Variants in PHACTR1 observed in about 807,000 individuals in gnomAD.
PHACTR1 encodes phosphatase and actin regulator 1, also known as RPEL repeat containing 1.
PHACTR1 carries 16 observed loss-of-function variants against 69.2 expected under a neutral mutation model. The ratio of observed to expected loss-of-function variants is 0.23; its 90% CI spans 0.16 to 0.35. PHACTR1 has a LOEUF of 0.35. Ranked by LOEUF, PHACTR1 falls within the 10% of genes least tolerant of loss-of-function variation. PHACTR1 has a pLI of 1.00. For synonymous variants in PHACTR1, 312 were observed against 284.5 expected (o/e 1.10, Z -0.97); for missense variants, 510 against 734.7 (o/e 0.69, Z 3.54).
intron 6 of PHACTR1, 39 bp downstream of exon 6, chr6:13,160,323 C>A (rs1758805317): frequency 1.9e-6 from 3 of 1,552,170 alleles, no homozygotes; most frequent in South Asian, 2.2e-5. Context: ...GTCAAAGAGT[C>A]ATGCGTGGAA....
At chr6:12,875,223 C>T (rs927966600) in intron 4 of PHACTR1, among the ~76,000 whole-genome samples, 4 of 152,104 alleles carry the variant, frequency 2.6e-5, no homozygotes, top group Admixed American at 6.5e-5. Context: ...TATTCAATGG[C>T]GTGCATGTTA....
chr6:12,992,486 A>G (rs923902074), intron 4 of PHACTR1, among the ~76,000 whole-genome samples: 12 of 152,168 alleles, frequency 7.9e-5, no homozygotes, highest in Admixed American at 1.3e-4. Context: ...TCTCCCAGTT[A>G]TTGCTATCTA....
intron 4 of PHACTR1, among the ~76,000 whole-genome samples, chr6:12,912,305 C>T (rs1238262069): frequency 6.6e-6 from 1 of 152,078 alleles, no homozygotes; most frequent in African/African-American, 2.4e-5. Flanking sequence ...TGGCCCAAAA[C>T]AGCATTTAAT....
intron 4 of PHACTR1, among the ~76,000 whole-genome samples, chr6:13,048,811 C>T (rs572754234): frequency 1.3e-5 from 2 of 152,306 alleles, no homozygotes; most frequent in East Asian, 1.9e-4. Flanking sequence ...GGATTATAGG[C>T]GTGAGCCACC....
intron 4 of PHACTR1, among the ~76,000 whole-genome samples, chr6:12,852,705 C>G (rs973392251): frequency 1.3e-5 from 2 of 152,140 alleles, no homozygotes; most frequent in Non-Finnish European, 2.9e-5. Flanking sequence ...CTCAATGGAT[C>G]ACAAAAGCAT....
At chr6:12,724,546 AT>A (rs1762540995) in intron 3 of PHACTR1, among the ~76,000 whole-genome samples, 1 of 152,168 alleles carries the variant, frequency 6.6e-6, no homozygotes, top group African/African-American at 2.4e-5. Context: ...ATTCAAACAT[AT>A]CCATCTCCAA....
intron 3 of PHACTR1, among the ~76,000 whole-genome samples, chr6:12,739,704 A>G (rs961448714): frequency 2.0e-5 from 3 of 152,056 alleles, no homozygotes; most frequent in Non-Finnish European, 4.4e-5. Context: ...TGCCCAGCTA[A>G]TGTTTAAATT....
Position 12,749,678 on chromosome 6 carries a change from A to C in PHACTR1, c.138A>C (p.Leu46Phe), listed in dbSNP as rs775882579. The C allele has an allele frequency of 6.2e-7, 1 of 1,609,210 alleles. No individual in the cohort carries two copies. Among genetic ancestry groups the C allele is most frequent in the Admixed American group, 1.7e-5 (1 of 59,770 alleles). The change falls in exon 4 of 15, where the codon TTA (leucine) becomes TTC (phenylalanine). Residue 46 changes from leucine (L) to phenylalanine (F), a missense_variant. Leu to Phe is a conservative substitution (Grantham distance 22). This residue lies in a region of PHACTR1 where 419 missense variants were observed against 530.9 expected (regional missense o/e 0.79). Transcript: ENST00000332995. ...RRATLLLPPT[L>F]MAASSEDDID... ...CGACCCTGCTCCTGCCTCCCACATT[A>C]ATGGCGGCATCCTCGGAGGATGATA...
chr6:12,757,465 AT>A (rs920631974), intron 4 of PHACTR1, among the ~76,000 whole-genome samples: 7 of 152,124 alleles, frequency 4.6e-5, no homozygotes, highest in African/African-American at 7.2e-5. Context: ...CGTCTGACAG[AT>A]TTTTTAAAGG....
At chr6:12,850,817 C>T (rs1168867138) in intron 4 of PHACTR1, among the ~76,000 whole-genome samples, 1 of 152,134 alleles carries the variant, frequency 6.6e-6, no homozygotes, top group East Asian at 1.9e-4. Context: ...CCTGCACGTG[C>T]CTCTGTGCCT....
At chr6:13,220,879 A>G (rs1458784288) in intron 8 of PHACTR1, among the ~76,000 whole-genome samples, 1 of 152,226 alleles carries the variant, frequency 6.6e-6, no homozygotes, top group African/African-American at 2.4e-5. Flanking sequence ...CACATGTGCA[A>G]TGTAGAGGTA....
chr6:12,778,970 T>C (rs1341877714), intron 4 of PHACTR1, among the ~76,000 whole-genome samples: 1 of 152,204 alleles, frequency 6.6e-6, no homozygotes, highest in Non-Finnish European at 1.5e-5. Context: ...TCAGCCCTAC[T>C]TGCCCTTGGC....
intron 4 of PHACTR1, among the ~76,000 whole-genome samples, chr6:12,969,717 G>A (rs920745706): frequency 2.6e-5 from 4 of 152,142 alleles, no homozygotes; most frequent in African/African-American, 7.2e-5. Context: ...ATCCCAGCAC[G>A]TGGGGAGGCC....
At chr6:13,237,956 A>G (rs533662882) in intron 10 of PHACTR1, among the ~76,000 whole-genome samples, 1 of 152,316 alleles carries the variant, frequency 6.6e-6, no homozygotes, top group Admixed American at 6.5e-5. Flanking sequence ...GCAGTCCGTT[A>G]CCCAAAGGTT....
intron 4 of PHACTR1, among the ~76,000 whole-genome samples, chr6:13,018,722 G>A (rs550508882): frequency 3.4e-4 from 51 of 152,190 alleles, no homozygotes; most frequent in Non-Finnish European, 4.1e-4. Flanking sequence ...TCCACCTTGG[G>A]CAAGAGAAGG....
intron 4 of PHACTR1, among the ~76,000 whole-genome samples, chr6:13,001,002 C>T (rs1798038885): frequency 6.6e-6 from 1 of 152,138 alleles, no homozygotes; most frequent in Non-Finnish European, 1.5e-5. Context: ...GAGGATTAAC[C>T]CCTCTGAAAG....
intron 4 of PHACTR1, among the ~76,000 whole-genome samples, chr6:12,802,581 C>T (rs1349797717): frequency 6.6e-6 from 1 of 152,080 alleles, no homozygotes; most frequent in East Asian, 1.9e-4. Context: ...ATGCCATCAA[C>T]CGTAGGATGT....
chr6:12,929,531 A>G (rs1788643823), intron 4 of PHACTR1, among the ~76,000 whole-genome samples: 1 of 152,178 alleles, frequency 6.6e-6, no homozygotes, highest in Admixed American at 6.5e-5. Flanking sequence ...CCTTTATTGG[A>G]AGAACTTGAA....
chr6:13,011,030 T>C (rs1264925992), intron 4 of PHACTR1, among the ~76,000 whole-genome samples: 1 of 152,208 alleles, frequency 6.6e-6, no homozygotes, highest in Non-Finnish European at 1.5e-5. Flanking sequence ...TATTCCATCC[T>C]GGGCCCTTCT....
Sources: allele counts gnomAD v4.1 joint callset (sites outside exome capture counted in the v4.1 genomes callset), GRCh38; gene constraint gnomAD v4.1.1; regional missense constraint gnomAD v4.1.1; transcripts MANE v1.5; gene names NCBI Gene and HGNC (gene_info 2026-07-23, HGNC 2026-07-21).